The following SEC24B variants were observed in gnomAD, a reference collection of about 807,000 sequenced individuals.
SEC24B encodes protein transport protein Sec24B.
A neutral mutation model predicts 142.8 loss-of-function variants in SEC24B; 45 were observed. That is an observed-to-expected ratio of 0.32 (90% CI 0.25 to 0.40). SEC24B has a LOEUF of 0.40. Among genes scored for constraint, SEC24B ranks in the 10% least tolerant of loss-of-function variants. The pLI is 1.00. For synonymous variants in SEC24B, 574 were observed against 568.2 expected, an observed-to-expected ratio of 1.01 and a Z score of -0.15; for missense variants, 1,409 against 1,526.8, an observed-to-expected ratio of 0.92 and a Z score of 1.29.
At chr4:109,438,307 T>C (rs966923408) in intron 1 of SEC24B, among the ~76,000 whole-genome samples, 3 of 152,122 alleles carry the variant, frequency 2.0e-5, no homozygotes, top group Non-Finnish European at 2.9e-5. Context: ...TTTTTGTCTG[T>C]TTGTTTATTT....
chr4:109,482,935 ACTATATATATAT>A (rs1403202899), intron 4 of SEC24B, among the ~76,000 whole-genome samples: 1 of 37,510 alleles, frequency 2.7e-5, no homozygotes, highest in Non-Finnish European at 5.1e-5. Flanking sequence ...CCAGGCTTGT[ACTATATATATAT>A]ATATATATAT....
intron 6 of SEC24B, among the ~76,000 whole-genome samples, chr4:109,504,040 A>C (rs1334421592): frequency 6.6e-6 from 1 of 152,144 alleles, no homozygotes; most frequent in Non-Finnish European, 1.5e-5. Context: ...CTACAGAAAA[A>C]AAGAGAATCC....
At chr4:109,494,464 T>C in intron 5 of SEC24B, 151 bp from the exon 6 acceptor site, 2 of 773,602 alleles carry the variant, frequency 2.6e-6, no homozygotes, top group Non-Finnish European at 2.1e-6. Flanking sequence ...GGTTCATCAT[T>C]CCCCCTACTT....
At chr4:109,466,216 A>G (rs183285290) in intron 2 of SEC24B, among the ~76,000 whole-genome samples, 27 of 152,274 alleles carry the variant, frequency 1.8e-4, no homozygotes, top group African/African-American at 6.5e-4. Flanking sequence ...TAACGATTTA[A>G]AATATTCCTT....
intron 3 of SEC24B, among the ~76,000 whole-genome samples, chr4:109,477,158 A>AAAAAAAAAAC (rs1733261544): frequency 6.7e-6 from 1 of 150,208 alleles, no homozygotes; most frequent in Non-Finnish European, 1.5e-5. Context: ...AAAAAAAAAA[A>AAAAAAAAAAC]AAAAAAAGAC....
chr4:109,498,871 G>GA (rs552969928), intron 6 of SEC24B, among the ~76,000 whole-genome samples: 96 of 145,624 alleles, frequency 6.6e-4, no homozygotes, highest in Non-Finnish European at 1.2e-3. Flanking sequence ...TTTTTGACAG[G>GA]AAAAAAAAAC....
chr4:109,461,826 T>C (rs535022421), intron 1 of SEC24B, among the ~76,000 whole-genome samples: 4 of 152,328 alleles, frequency 2.6e-5, no homozygotes, highest in Admixed American at 1.3e-4. Flanking sequence ...AAAAAAGTTT[T>C]AGCTGTGTGC....
At chr4:109,437,070 T>G (rs2125886758) in intron 1 of SEC24B, among the ~76,000 whole-genome samples, 1 of 152,338 alleles carries the variant, frequency 6.6e-6, no homozygotes. Flanking sequence ...CTTGTGATAC[T>G]TATGATAGGC....
chr4:109,498,247 AC>A (rs1462997294), intron 6 of SEC24B, among the ~76,000 whole-genome samples: 3 of 152,248 alleles, frequency 2.0e-5, no homozygotes, highest in Non-Finnish European at 4.4e-5. Flanking sequence ...GGGTCAGTGA[AC>A]AGTAATGATT....
At chr4:109,500,718 C>T (rs1214553001) in intron 6 of SEC24B, among the ~76,000 whole-genome samples, 1 of 152,054 alleles carries the variant, frequency 6.6e-6, no homozygotes, top group East Asian at 1.9e-4. Flanking sequence ...GTGGCACAAT[C>T]TTGGCTCTCA....
rs185288894 is a variant in SEC24B at position 109,473,006 on chromosome 4, G to A, written c.880G>A (p.Ala294Thr). The A allele has an allele frequency of 5.2e-4, 776 of 1,506,718 alleles. 4 individuals carry two copies. In the African/African-American group the frequency reaches 9.7e-3, roughly 19 times the overall value. 93.3% of individuals were successfully genotyped at this position (1,506,718 alleles called of 1,614,324 possible). A position where few individuals can be genotyped will look rare whatever the true frequency, so the allele number is the denominator to read the frequency against. The change falls in exon 3 of 24, where the codon GCA becomes ACA. Residue 294 changes from alanine to threonine, a missense_variant and splice_region_variant. Physicochemically the swap from Ala to Thr is moderately conservative, Grantham distance 58. Transcript: ENST00000265175. ...ATGAAATAGTTTCTTCTCTTCAGTT[G>A]CAGATTCTTTATCCTGTCCTGTTAT... Reference protein sequence around the residue: ...VANNNPTITVADSLSCPVMQN... With the variant: ...VANNNPTITVTDSLSCPVMQN...
At chr4:109,512,664 T>A (rs1373797480) in intron 9 of SEC24B, among the ~76,000 whole-genome samples, 4 of 149,772 alleles carry the variant, frequency 2.7e-5, no homozygotes, top group African/African-American at 4.9e-5. Flanking sequence ...TTTTTTTTAA[T>A]TTTTTTTTTG....
At chr4:109,466,768 C>G (rs1731939508) in intron 2 of SEC24B, among the ~76,000 whole-genome samples, 1 of 152,202 alleles carries the variant, frequency 6.6e-6, no homozygotes, top group Non-Finnish European at 1.5e-5. Flanking sequence ...ACCTTCTTTA[C>G]TACTTGATTA....
intron 6 of SEC24B, among the ~76,000 whole-genome samples, chr4:109,504,589 ATTAT>A (rs762621705): frequency 3.3e-5 from 5 of 152,074 alleles, no homozygotes; most frequent in Non-Finnish European, 7.4e-5. Flanking sequence ...TATTACTTCA[ATTAT>A]TTATTTAGTT....
Position 109,540,393 on chromosome 4 carries a change from T to C in SEC24B, c.*718T>C, listed in dbSNP as rs1394427812. 1 of 152,648 alleles carries C rather than the reference T, an allele frequency of 6.6e-6. No homozygotes were observed. Among genetic ancestry groups the C allele is most frequent in the Non-Finnish European group, 1.5e-5 (1 of 68,036 alleles). 9.5% of individuals were successfully genotyped at this position (152,648 alleles called of 1,614,324 possible). On this transcript the variant is annotated 3_prime_UTR_variant, in exon 24 of 24. Coordinates refer to ENST00000265175, the MANE Select transcript of SEC24B (RefSeq NM_006323.5). ...AGGAACACAAAACTCTTTGTAATTC[T>C]GTTAAATCTTTTATGTAGATTTATT...
chr4:109,489,051 G>A (rs548467576), intron 4 of SEC24B, among the ~76,000 whole-genome samples: 5 of 152,024 alleles, frequency 3.3e-5, no homozygotes, highest in Admixed American at 3.3e-4. Context: ...CATTCTGTGG[G>A]TTGTCTTTTT....
At position 109,538,402 on chromosome 4, in the gene SEC24B, G is replaced by T. The variant is rs1174640107; in HGVS notation, c.3589-91G>T. 4 of 799,052 alleles carry T rather than the reference G, an allele frequency of 5.0e-6. No homozygotes were observed. In the East Asian group the frequency reaches 7.5e-5, roughly 15 times the overall value. The allele number at this position is 799,052 out of a possible 1,614,324, so 49.5% of individuals were successfully genotyped here. A position where few individuals can be genotyped will look rare whatever the true frequency, so the allele number is the denominator to read the frequency against. ...GAGGCTAAGAAATAGAGTGCTGGCA[G>T]TTGGGGGTGATGGTAGGAATCATGA... is the stretch of plus-strand genomic sequence containing the variant. On this transcript the variant is annotated intron_variant, in intron 22 of 23. Coordinates refer to ENST00000265175, the MANE Select transcript of SEC24B (RefSeq NM_006323.5).
chr4:109,463,416 C>T lies in SEC24B; in HGVS notation c.649C>T (p.Pro217Ser). Residue 217 changes from proline to serine, a missense_variant, in exon 2 of 24, where the codon CCG (proline) becomes TCG (serine). Around this residue, in one of 2 missense-constraint regions of SEC24B, gnomAD observed 709 missense variants for 673.5 expected, o/e 1.05. Transcript: ENST00000265175. ...YGQMFTSQNAPTVRPVKDNSF... is the reference protein window; with the variant it reads ...YGQMFTSQNASTVRPVKDNSF... The stretch of plus-strand genomic sequence containing the variant: ...GCAAATGTTTACCTCACAGAATGCT[C>T]CGACTGTTAGGCCAGTTAAAGATAA... 6.2e-7 allele frequency: 1 copy of T among 1,614,190 alleles called. No individual in the cohort carries two copies. The highest frequency in any genetic ancestry group is 8.5e-7 in the Non-Finnish European group (1 of 1,180,032).
chr4:109,453,190 A>T (rs551353235), intron 1 of SEC24B, among the ~76,000 whole-genome samples: 1 of 152,324 alleles, frequency 6.6e-6, no homozygotes, highest in African/African-American at 2.4e-5. Context: ...ACAAGGCAGA[A>T]GATCAGGGTG....
Sources: gnomAD v4.1 joint callset for allele counts (sites outside exome capture counted in the v4.1 genomes callset) on GRCh38, gnomAD v4.1.1 for gene constraint, gnomAD v4.1.1 regional missense constraint, MANE v1.5 for transcripts, NCBI Gene and HGNC (gene_info 2026-07-23, HGNC 2026-07-21) for gene names.